Variants in COL13A1 observed in about 807,000 individuals in gnomAD.
COL13A1 encodes collagen type XIII alpha 1 chain.
In COL13A1, 89 loss-of-function variants were observed where a neutral mutation model predicts 130.9. The observed-to-expected ratio is 0.68, with a 90% confidence interval of 0.57 to 0.81. The LOEUF (loss-of-function observed/expected upper bound fraction) is 0.81, where lower values mean the gene tolerates loss of function less well. COL13A1 is among the 30% of genes least tolerant of loss of function. The pLI, the probability that COL13A1 is intolerant of heterozygous loss-of-function variation, is 0.00. For missense variants in COL13A1, 879 were observed against 934.6 expected (o/e 0.94, Z 0.78); for synonymous variants, 402 against 341.6 (o/e 1.18, Z -1.95).
intron 6 of COL13A1, among the ~76,000 whole-genome samples, chr10:69,879,219 A>G (rs193159800): frequency 1.9e-4 from 29 of 152,288 alleles, no homozygotes; most frequent in African/African-American, 6.7e-4. Context: ...GCTCCTAGCT[A>G]CCATGCTATT....
intron 38 of COL13A1, among the ~76,000 whole-genome samples, chr10:69,952,623 T>C (rs1424939707): frequency 6.6e-6 from 1 of 152,216 alleles, no homozygotes; most frequent in African/African-American, 2.4e-5. Context: ...CTTCAGTCTG[T>C]GGTTCCCTGC....
At chr10:69,871,218 C>A (rs12146250) in intron 3 of COL13A1, among the ~76,000 whole-genome samples, 32,704 of 151,988 alleles carry the variant, frequency 0.22, 3,690 homozygotes, top group Middle Eastern at 0.29. Flanking sequence ...GGACGCAGTG[C>A]CTGGGCTGTC....
At chr10:69,878,222 C>T (rs946019495) in intron 6 of COL13A1, among the ~76,000 whole-genome samples, 157 bp downstream of exon 6, 1 of 152,246 alleles carries the variant, frequency 6.6e-6, no homozygotes, top group Non-Finnish European at 1.5e-5. Flanking sequence ...CGTTTCCTAA[C>T]AGCTTCCATA....
At chr10:69,907,410 G>A (rs1323733672) in intron 17 of COL13A1, among the ~76,000 whole-genome samples, 1 of 152,182 alleles carries the variant, frequency 6.6e-6, no homozygotes. Flanking sequence ...CGACAGTCAA[G>A]GGGCCCATAT....
chr10:69,803,522 T>A (rs1473589949), intron 1 of COL13A1, among the ~76,000 whole-genome samples: 1 of 143,892 alleles, frequency 6.9e-6, no homozygotes, highest in East Asian at 1.9e-4. Flanking sequence ...TGAGGCTTGA[T>A]GATCTGTGGG....
intron 3 of COL13A1, among the ~76,000 whole-genome samples, chr10:69,871,893 T>C (rs1247120988): frequency 6.6e-6 from 1 of 152,222 alleles, no homozygotes; most frequent in African/African-American, 2.4e-5. Context: ...TATTCTTCCA[T>C]TTTCAAGATG....
At chr10:69,897,974 G>A (rs915500375) in intron 13 of COL13A1, among the ~76,000 whole-genome samples, 1 of 152,150 alleles carries the variant, frequency 6.6e-6, no homozygotes, top group Non-Finnish European at 1.5e-5. Flanking sequence ...ACGTGGTTGA[G>A]CTTTCTGGAG....
chr10:69,869,231 T>G (rs1037910498), intron 3 of COL13A1, among the ~76,000 whole-genome samples: 38 of 152,164 alleles, frequency 2.5e-4, no homozygotes, highest in African/African-American at 9.2e-4. Context: ...GTGGAGGGGA[T>G]GAGTCTTCAC....
At chr10:69,871,375 T>C (rs2059049175) in intron 3 of COL13A1, among the ~76,000 whole-genome samples, 1 of 151,972 alleles carries the variant, frequency 6.6e-6, no homozygotes, top group Non-Finnish European at 1.5e-5. Flanking sequence ...AACAGGAAAG[T>C]CCCTACCTCA....
intron 17 of COL13A1, among the ~76,000 whole-genome samples, chr10:69,914,609 G>T (rs924888666): frequency 2.0e-5 from 3 of 152,204 alleles, no homozygotes; most frequent in South Asian, 2.1e-4. Context: ...GATGACGGGG[G>T]CCTCTGAATA....
intron 2 of COL13A1, among the ~76,000 whole-genome samples, chr10:69,842,838 T>C (rs1851964031): frequency 6.6e-6 from 1 of 152,140 alleles, no homozygotes; most frequent in Admixed American, 6.5e-5. Context: ...GCCTGCTGGG[T>C]TCCGCTGTGT....
In COL13A1 at chr10:69,958,757, T is replaced by C; in HGVS notation, c.*56T>C. On this transcript the variant is annotated 3_prime_UTR_variant, in exon 41 of 41. Coordinates refer to ENST00000645393, the MANE Select transcript of COL13A1 (RefSeq NM_001368882.1). ...TGTTTGTACATAGAATATTTATTTT[T>C]ATACAGTTTTCACTTTTTGAAAATG... 3.1e-6 allele frequency: 5 copies of C among 1,609,358 alleles called. No homozygotes were observed. The highest frequency in any genetic ancestry group is 1.7e-5 in the Admixed American group (1 of 59,606).
At chr10:69,858,347 A>G (rs1857036709) in intron 2 of COL13A1, among the ~76,000 whole-genome samples, 1 of 152,206 alleles carries the variant, frequency 6.6e-6, no homozygotes, top group South Asian at 2.1e-4. Context: ...ACCCAAATCC[A>G]GTGAGGTAGA....
intron 2 of COL13A1, among the ~76,000 whole-genome samples, chr10:69,845,419 T>C (rs1261313830): frequency 1.3e-5 from 2 of 151,950 alleles, no homozygotes; most frequent in African/African-American, 2.4e-5. Flanking sequence ...TCTTGAACTC[T>C]TGACCTCAGG....
chr10:69,850,161 T>C (rs1854336827), intron 2 of COL13A1, among the ~76,000 whole-genome samples: 1 of 151,888 alleles, frequency 6.6e-6, no homozygotes. Context: ...CAAATGTCCA[T>C]GGATGAGATC....
chr10:69,804,844 C>A (rs888640362), intron 1 of COL13A1, among the ~76,000 whole-genome samples: 140 of 70,908 alleles, frequency 2.0e-3, no homozygotes, highest in African/African-American at 5.4e-3. Flanking sequence ...AAAAAAAAAG[C>A]TACAATAGTG....
chr10:69,936,137 G>A (rs1383207406), intron 32 of COL13A1, among the ~76,000 whole-genome samples: 2 of 3,300 alleles, frequency 6.1e-4, no homozygotes, highest in South Asian at 0.1. Context: ...AAGAAGGAAG[G>A]AAGGAAGGAA....
chr10:69,947,360 C>T lies in COL13A1; in HGVS notation c.2058+18C>T, dbSNP rs2136215444. The T allele has an allele frequency of 1.2e-6, 2 of 1,603,266 alleles. No individual in the cohort carries two copies. The highest frequency in any genetic ancestry group is 1.3e-5 in the African/African-American group (1 of 74,650). ...GAAACCGGGTGAGTCTGAGCCCCTG[C>T]ACTCGTGCTCTAGTTACTAATGTCT... On this transcript the variant is annotated intron_variant, in intron 38 of 40. Coordinates refer to ENST00000645393, the MANE Select transcript of COL13A1 (RefSeq NM_001368882.1).
Position 69,814,066 on chromosome 10 carries a change from C to A in COL13A1, c.295-8303C>A, listed in dbSNP as rs557158911. On this transcript the variant is annotated intron_variant, in intron 1 of 40. Coordinates refer to ENST00000645393, the MANE Select transcript of COL13A1 (RefSeq NM_001368882.1). ...ATCTGAGGGCCAGCTCAGTCTGCAACGGGGCAGCCAGCCCAGCAGCAGTTA... is the reference window on the plus strand; with the variant it reads ...ATCTGAGGGCCAGCTCAGTCTGCAAAGGGGCAGCCAGCCCAGCAGCAGTTA... 2.0e-5 allele frequency among the ~76,000 whole-genome samples: 3 copies of A among 152,354 alleles called. 1 individual carries two copies. Among genetic ancestry groups the A allele is most frequent in the Middle Eastern group, 6.8e-3 (2 of 294 alleles).
Sources: gnomAD v4.1 joint callset for allele counts (sites outside exome capture counted in the v4.1 genomes callset) on GRCh38, gnomAD v4.1.1 for gene constraint, MANE v1.5 for transcripts, NCBI Gene and HGNC (gene_info 2026-07-23, HGNC 2026-07-21) for gene names.